Variants in COL4A4 observed in about 807,000 individuals in gnomAD.
COL4A4 encodes the protein collagen alpha-4(IV) chain.
A neutral mutation model predicts 192.9 loss-of-function variants in COL4A4; 105 were observed. That is an observed-to-expected ratio of 0.54 (90% CI 0.46 to 0.64). COL4A4 has a LOEUF of 0.64. COL4A4 is among the 30% of genes least tolerant of loss of function. COL4A4 has a pLI of 0.00. For missense variants in COL4A4, 1,967 were observed against 2,169.3 expected, an observed-to-expected ratio of 0.91 and a Z score of 1.85; for synonymous variants, 762 against 769.9, an observed-to-expected ratio of 0.99 and a Z score of 0.17.
intron 29 of COL4A4, 78 bp from the exon 30 acceptor site, chr2:227,056,193 C>T (rs1975306457): frequency 8.0e-7 from 1 of 1,254,786 alleles, no homozygotes; most frequent in East Asian, 2.3e-5. Flanking sequence ...TATACAGTAG[C>T]TTAAACAATG....
chr2:227,089,581 A>T (rs1237565514), intron 21 of COL4A4, among the ~76,000 whole-genome samples: 1 of 141,860 alleles, frequency 7.0e-6, no homozygotes, highest in African/African-American at 2.7e-5. Context: ...ATGGCAGGCA[A>T]ATGTTCCATA....
the COL4A4 span, among the ~76,000 whole-genome samples, chr2:226,970,429 AGTCTCATGATATGG>A: frequency 6.6e-6 from 1 of 152,106 alleles, no homozygotes; most frequent in African/African-American, 2.4e-5. Flanking sequence ...TCATGATATG[AGTCTCATGATATGG>A]ACCAAGTTTT....
intron 9 of COL4A4, among the ~76,000 whole-genome samples, chr2:227,110,322 G>A (rs1050942369): frequency 3.9e-5 from 6 of 152,176 alleles, no homozygotes; most frequent in African/African-American, 1.4e-4. Context: ...AGCTTCAATC[G>A]TAGTAAGGAA....
In COL4A4 at chr2:227,121,579, AAAG is replaced by A. The variant is rs1207576542; in HGVS notation, c.193-434_193-432del. On this transcript the variant is annotated intron_variant, in intron 4 of 47. Coordinates refer to ENST00000396625, the MANE Select transcript of COL4A4 (RefSeq NM_000092.5). Reference sequence around the variant, plus strand: ...CCTATCTCAAAAAAAAAAAAAAAGAAAAGAAAAGAAAGACAAGAAAAGATAAAA... The same window carrying A: ...CCTATCTCAAAAAAAAAAAAAAAGAAAAAAGAAAGACAAGAAAAGATAAAA... 4.0e-5 allele frequency among the ~76,000 whole-genome samples: 6 copies of A among 149,214 alleles called. No individual in the cohort carries two copies. In the South Asian group the frequency reaches 8.4e-4, roughly 21 times the overall value.
chr2:226,981,422 G>T, the COL4A4 span, among the ~76,000 whole-genome samples: 2 of 149,712 alleles, frequency 1.3e-5, no homozygotes, highest in Non-Finnish European at 3.0e-5. Flanking sequence ...TAAAAAAGGA[G>T]CTCATTGAAC....
intron 12 of COL4A4, among the ~76,000 whole-genome samples, chr2:227,107,980 T>G (rs1248561109): frequency 2.6e-5 from 4 of 151,972 alleles, no homozygotes; most frequent in Admixed American, 2.6e-4. Flanking sequence ...ATGGTCTCAG[T>G]CTCTTGACCT....
In COL4A4 at chr2:227,043,598, A is replaced by G. The variant is rs137961073; in HGVS notation, c.3290-414T>C. ...GTTATCTCTAACTCTGCCGTTATCC[A>G]TAATGCTCTTTATATCTCTTGTCAA... On this transcript the variant is annotated intron_variant, in intron 35 of 47. Transcript: ENST00000396625. Among the ~76,000 whole-genome samples, 62 of 152,328 alleles carry G rather than the reference A, an allele frequency of 4.1e-4. No individual in the cohort carries two copies. In the East Asian group the frequency reaches 0.012, roughly 28 times the overall value.
intron 37 of COL4A4, among the ~76,000 whole-genome samples, chr2:227,041,864 A>AGAGAGAGAG (rs1559478704): frequency 4.6e-5 from 5 of 109,348 alleles, no homozygotes; most frequent in African/African-American, 1.2e-4. Context: ...GAAAGAAAGA[A>AGAGAGAGAG]AGAAAGAAAG....
intron 4 of COL4A4, among the ~76,000 whole-genome samples, chr2:227,122,225 G>A (rs965391883): frequency 2.0e-5 from 3 of 152,182 alleles, no homozygotes; most frequent in Admixed American, 1.3e-4. Context: ...GCGATATCCC[G>A]ACCAGGTGCA....
chr2:227,136,513 G>T (rs1461641041), intron 4 of COL4A4, among the ~76,000 whole-genome samples: 2 of 152,130 alleles, frequency 1.3e-5, no homozygotes, highest in African/African-American at 4.8e-5. Flanking sequence ...CTCATGCTGG[G>T]GCTAGACTGT....
intron 35 of COL4A4, among the ~76,000 whole-genome samples, chr2:227,043,967 C>T (rs1971949719): frequency 6.6e-6 from 1 of 152,206 alleles, no homozygotes; most frequent in African/African-American, 2.4e-5. Flanking sequence ...CCCAGAATCA[C>T]CCATAACATC....
chr2:227,031,707 C>T (rs115452453), intron 40 of COL4A4, among the ~76,000 whole-genome samples: 24 of 152,028 alleles, frequency 1.6e-4, no homozygotes, highest in African/African-American at 5.3e-4. Context: ...CCTGAAGAGA[C>T]GAGGGTCTAA....
chr2:227,092,717 T>G (rs1052591260), intron 20 of COL4A4, among the ~76,000 whole-genome samples: 16 of 152,180 alleles, frequency 1.1e-4, no homozygotes, highest in African/African-American at 3.6e-4. Context: ...AGCTGGTGAA[T>G]GGCCCTTATA....
chr2:227,109,286 C>T lies in COL4A4; in HGVS notation c.595G>A (p.Gly199Arg), dbSNP rs750345987. 6.2e-7 allele frequency: 1 copy of T among 1,613,790 alleles called. No individual in the cohort carries two copies. Among genetic ancestry groups the T allele is most frequent in the East Asian group, 2.2e-5 (1 of 44,878 alleles). Residue 199 changes from glycine (G) to arginine (R), a missense_variant and splice_region_variant, in exon 10 of 48, where the codon GGA (glycine) becomes AGA (arginine). Transcript: ENST00000396625. ...GCCGGTCCTCCTGCACCCCAAGATCCCTAAACATGAGAAAAATCAGTGCAT... is the reference window on the plus strand; with the variant it reads ...GCCGGTCCTCCTGCACCCCAAGATCTCTAAACATGAGAAAAATCAGTGCAT... ...RGDPGLPGLP[G>R]SWGAGGPAGP...
rs570849524 is a variant in COL4A4, at chr2:227,007,898, C to T, written c.4809+120G>A. 150 of 1,280,368 alleles carry T rather than the reference C, an allele frequency of 1.2e-4. 3 individuals are homozygous for T. The South Asian group carries it at 1.6e-3, about 14-fold the overall frequency. The allele number at this position is 1,280,368 out of a possible 1,614,324, so 79.3% of individuals were successfully genotyped here. On this transcript the variant is annotated intron_variant, in intron 47 of 47. Coordinates refer to ENST00000396625, the MANE Select transcript of COL4A4 (RefSeq NM_000092.5). ...ACAGGCTATGGTTTGCAACAGTCCC[C>T]GTAACCTTATGTCCTAAGCGCAGAG...
At chr2:227,057,741 G>C (rs1975830416) in intron 28 of COL4A4, 141 bp from the exon 29 acceptor site, 1 of 848,152 alleles carries the variant, frequency 1.2e-6, no homozygotes, top group Non-Finnish European at 1.9e-6. Flanking sequence ...TCTTTGAGTG[G>C]ATTTTCTTAT....
chr2:227,161,946 AAAG>A (rs2064871882), intron 1 of COL4A4, among the ~76,000 whole-genome samples: 1 of 152,154 alleles, frequency 6.6e-6, no homozygotes, highest in Non-Finnish European at 1.5e-5. Context: ...AAAAAAAAAA[AAAG>A]AATCAAATTT....
intron 4 of COL4A4, among the ~76,000 whole-genome samples, chr2:227,122,489 C>T (rs939816332): frequency 6.6e-6 from 1 of 152,206 alleles, no homozygotes; most frequent in South Asian, 2.1e-4. Flanking sequence ...CTTAGGTCTC[C>T]AGGGCTAATA....
At position 227,098,807 on chromosome 2, in the gene COL4A4, G is replaced by A; in HGVS notation, c.1100-9C>T. The A allele has an allele frequency of 6.2e-7, 1 of 1,605,518 alleles. No homozygotes were observed. Among genetic ancestry groups the A allele is most frequent in the South Asian group, 1.1e-5 (1 of 90,882 alleles). ...TGGGTCCCCTGGTGGGCCTGCCAAAGATAATGGTACATGAGAATAAACAAA... is the reference window on the plus strand; with the variant it reads ...TGGGTCCCCTGGTGGGCCTGCCAAAAATAATGGTACATGAGAATAAACAAA... On this transcript the variant is annotated splice_polypyrimidine_tract_variant and intron_variant, in intron 18 of 47. Coordinates refer to ENST00000396625, the MANE Select transcript of COL4A4 (RefSeq NM_000092.5).
Sources: allele counts gnomAD v4.1 joint callset (sites outside exome capture counted in the v4.1 genomes callset), GRCh38; gene constraint gnomAD v4.1.1; transcripts MANE v1.5; gene names NCBI Gene and HGNC (gene_info 2026-07-23, HGNC 2026-07-21).